NR3C1: variants seen among roughly 807,000 people sequenced by gnomAD.
NR3C1 encodes nuclear receptor subfamily 3 group C member 1, also known as glucocorticoid receptor.
NR3C1 carries 14 observed loss-of-function variants against 74.0 expected under a neutral mutation model. The observed-to-expected ratio is 0.19, with a 90% CI of 0.12 to 0.30. NR3C1 has a LOEUF of 0.30. Ranked by LOEUF, NR3C1 falls within the 10% of genes least tolerant of loss-of-function variation. NR3C1 has a pLI of 1.00. For missense variants in NR3C1, 695 were observed against 909.8 expected, an observed-to-expected ratio of 0.76 and a Z score of 3.04; for synonymous variants, 308 against 332.5, an observed-to-expected ratio of 0.93 and a Z score of 0.80.
rs548665360 is a variant in NR3C1 at position 143,403,040 on chromosome 5, C to G, written c.-14+171G>C. 3.3e-5 allele frequency among the ~76,000 whole-genome samples: 5 copies of G among 151,850 alleles called. No homozygotes were observed. The South Asian group carries it at 1.0e-3, about 32-fold the overall frequency. ...AGAGGAAGAGGCCAGCGCTGTCACCCGCGCGCTGCCCTTTCGTCACCGTCG... is the reference window on the plus strand; with the variant it reads ...AGAGGAAGAGGCCAGCGCTGTCACCGGCGCGCTGCCCTTTCGTCACCGTCG... On this transcript the variant is annotated intron_variant, in intron 1 of 8. Coordinates refer to ENST00000394464, the MANE Select transcript of NR3C1 (RefSeq NM_000176.3).
At chr5:143,298,327 A>G in intron 6 of NR3C1, among the ~76,000 whole-genome samples, 1 of 152,190 alleles carries the variant, frequency 6.6e-6, no homozygotes, top group East Asian at 1.9e-4. Flanking sequence ...CTGAATCCAC[A>G]TGAGTTTTAC....
intron 2 of NR3C1, among the ~76,000 whole-genome samples, chr5:143,354,105 T>G (rs1296317320): frequency 6.6e-6 from 1 of 152,262 alleles, no homozygotes; most frequent in Non-Finnish European, 1.5e-5. Context: ...AGCTTCCAAT[T>G]TTTCTTCTGC....
chr5:143,361,289 A>G (rs1323013066), intron 2 of NR3C1, among the ~76,000 whole-genome samples: 1 of 152,226 alleles, frequency 6.6e-6, no homozygotes, highest in Non-Finnish European at 1.5e-5. Context: ...AAAATTGTTA[A>G]ATTTTAATAA....
chr5:143,401,830 T>G (rs935210066), intron 1 of NR3C1, among the ~76,000 whole-genome samples: 1 of 152,236 alleles, frequency 6.6e-6, no homozygotes, highest in African/African-American at 2.4e-5. Context: ...TACAACTGTA[T>G]CCAGTAAAAT....
chr5:143,434,767 C>A, exon 1 of NR3C1: 1 of 985,450 alleles, frequency 1.0e-6, no homozygotes, highest in Non-Finnish European at 1.2e-6. Context: ...GAAGCTGGCC[C>A]CTTTCCTGGG....
upstream of NR3C1, among the ~76,000 whole-genome samples, chr5:143,406,416 A>G (rs1841114125): frequency 6.6e-6 from 1 of 152,026 alleles, no homozygotes; most frequent in Non-Finnish European, 1.5e-5. Flanking sequence ...AGCAAAAAAA[A>G]AAAAAAACTT....
At chr5:143,378,207 C>T (rs569704742) in intron 2 of NR3C1, among the ~76,000 whole-genome samples, 2 of 151,972 alleles carry the variant, frequency 1.3e-5, no homozygotes, top group African/African-American at 2.4e-5. Context: ...TCCAAGTTTG[C>T]CCCATTGCAC....
At chr5:143,403,092 C>CCGGCGAAA in intron 1 of NR3C1, 119 bp downstream of exon 1, 1 of 812,498 alleles carries the variant, frequency 1.2e-6, no homozygotes, top group Non-Finnish European at 1.5e-6. Context: ...CCCCCACCCC[C>CCGGCGAAA]ACTCCCCGAG....
chr5:143,389,048 A>T (rs1837767242), intron 2 of NR3C1, among the ~76,000 whole-genome samples: 1 of 152,148 alleles, frequency 6.6e-6, no homozygotes, highest in Non-Finnish European at 1.5e-5. Flanking sequence ...CAAATAGTTG[A>T]ATCAAATCTT....
chr5:143,284,513 A>G (rs761932141), intron 7 of NR3C1, among the ~76,000 whole-genome samples: 1 of 127,920 alleles, frequency 7.8e-6, no homozygotes, highest in Non-Finnish European at 1.8e-5. Flanking sequence ...AAATTGTAAA[A>G]CAGCGATGGC....
chr5:143,277,934 T>C lies in NR3C1; in HGVS notation c.*3955A>G, dbSNP rs1812586725. The C allele has an allele frequency of 1.3e-5, 2 of 152,182 alleles. No homozygotes were observed. Among genetic ancestry groups the C allele is most frequent in the Non-Finnish European group, 2.9e-5 (2 of 68,018 alleles). 9.4% of individuals were successfully genotyped at this position (152,182 alleles called of 1,614,324 possible). A position where few individuals can be genotyped will look rare whatever the true frequency, so the allele number is the denominator to read the frequency against. The stretch of plus-strand genomic sequence containing the variant: ...ACAAAAGCATGTTGGAGTCACATAA[T>C]GAAAAAGCAGATTTTTTTATTATGA... On this transcript the variant is annotated 3_prime_UTR_variant, in exon 9 of 9. Coordinates refer to ENST00000394464, the MANE Select transcript of NR3C1 (RefSeq NM_000176.3).
At chr5:143,383,397 G>T (rs1158599072) in intron 2 of NR3C1, among the ~76,000 whole-genome samples, 1 of 152,194 alleles carries the variant, frequency 6.6e-6, no homozygotes, top group African/African-American at 2.4e-5. Context: ...TAAGTGCTAG[G>T]TGTTATAGTG....
In NR3C1 at chr5:143,300,543, G is replaced by A. The variant is rs772669522; in HGVS notation, c.1689C>T (p.Leu563=). ...TCACTTGCCGCCCTCCTAACATGTT[G>A]AGCGTAGTCATGATCCTCCAAGTTG... ...PDSTWRIMTT[L]NMLGGRQVIA... is the part of the protein sequence containing the mutation. The change falls in exon 5 of 9, where the codon CTC becomes CTT. Residue 563 remains leucine (L), a synonymous_variant. Transcript: ENST00000394464. The surrounding 1 kb of genome is among the most constrained non-coding windows in gnomAD (Gnocchi z 5.2). The A allele has an allele frequency of 3.1e-6, 5 of 1,614,134 alleles. No homozygotes were observed. The South Asian group carries it at 4.4e-5, about 14-fold the overall frequency.
At chr5:143,311,570 T>G (rs1301181555) in intron 3 of NR3C1, among the ~76,000 whole-genome samples, 1 of 152,232 alleles carries the variant, frequency 6.6e-6, no homozygotes, top group African/African-American at 2.4e-5. Flanking sequence ...TTTTAACTAG[T>G]ATTCACTATT....
chr5:143,406,287 A>G (rs1306072732), upstream of NR3C1, among the ~76,000 whole-genome samples: 2 of 152,028 alleles, frequency 1.3e-5, no homozygotes, highest in African/African-American at 4.8e-5. Context: ...TACTCTGCTT[A>G]AATAATTTAT....
chr5:143,300,585 A>G lies in NR3C1; in HGVS notation c.1647T>C (p.Asp549=). 2 of 1,614,230 alleles carry G rather than the reference A, an allele frequency of 1.2e-6. No individual in the cohort carries two copies. The highest frequency in any genetic ancestry group is 1.7e-6 in the Non-Finnish European group (2 of 1,180,022). The stretch of plus-strand genomic sequence containing the variant: ...TCCAAGTTGAGTCTGGAACAGAGCT[A>G]TCATATCCTGCATATAACACTTCAG... The part of the protein sequence containing the change: ...IEPEVLYAGY[D]SSVPDSTWRI... Residue 549 remains aspartate (D), a synonymous_variant, in exon 5 of 9, where the codon GAT becomes GAC. Transcript: ENST00000394464. This position sits in a 1 kb window ranked among gnomAD's most constrained non-coding sequence, Gnocchi z 5.2.
chr5:143,325,104 C>T (rs368573784), intron 2 of NR3C1, among the ~76,000 whole-genome samples: 28 of 152,262 alleles, frequency 1.8e-4, no homozygotes, highest in South Asian at 6.2e-4. Context: ...GGTATCTTTT[C>T]AGCAACACCC....
chr5:143,282,806 G>T (rs1813429715), intron 7 of NR3C1, 81 bp from the exon 8 acceptor site: 6 of 1,422,902 alleles, frequency 4.2e-6, no homozygotes, highest in African/African-American at 2.9e-5. Context: ...GATAGATAGG[G>T]TCTCACTGTG....
chr5:143,434,153 TTGTG>T (rs1752007808), intron 1 of NR3C1, among the ~76,000 whole-genome samples: 2 of 152,192 alleles, frequency 1.3e-5, no homozygotes. Context: ...TAGCCTCTCA[TTGTG>T]TTTTAGCTCT....
Sources: allele counts gnomAD v4.1 joint callset (sites outside exome capture counted in the v4.1 genomes callset), GRCh38; gene constraint gnomAD v4.1.1; non-coding constraint Gnocchi (gnomAD v3.1); transcripts MANE v1.5; gene names NCBI Gene and HGNC (gene_info 2026-07-23, HGNC 2026-07-21).